The following STAM variants were observed in gnomAD, a reference collection of about 807,000 sequenced individuals.
STAM encodes the protein signal transducing adaptor molecule.
In STAM, 16 loss-of-function variants were observed where a neutral mutation model predicts 63.4. The observed-to-expected ratio is 0.25, with a 90% CI of 0.17 to 0.38. The LOEUF is 0.38. Ranked by LOEUF, STAM falls within the 10% of genes least tolerant of loss-of-function variation. The pLI is 1.00. For synonymous variants in STAM, 238 were observed against 223.9 expected, an observed-to-expected ratio of 1.06 and a Z score of -0.56; for missense variants, 636 against 657.1, an observed-to-expected ratio of 0.97 and a Z score of 0.35.
intron 13 of STAM, among the ~76,000 whole-genome samples, chr10:17,709,584 G>A (rs1554829869): frequency 6.6e-6 from 1 of 152,104 alleles, no homozygotes; most frequent in African/African-American, 2.4e-5. Flanking sequence ...GCTTTAATGG[G>A]ACTCTGAGCT....
intron 2 of STAM, among the ~76,000 whole-genome samples, chr10:17,664,648 G>T (rs530797525): frequency 1.3e-5 from 2 of 152,262 alleles, no homozygotes; most frequent in South Asian, 4.1e-4. Context: ...ACTATAACAT[G>T]TAAGTGGGTT....
At chr10:17,654,072 C>G (rs1833844329) in intron 1 of STAM, among the ~76,000 whole-genome samples, 1 of 152,136 alleles carries the variant, frequency 6.6e-6, no homozygotes, top group Non-Finnish European at 1.5e-5. Context: ...TTATGGAGAG[C>G]TGTGTCTTCA....
chr10:17,696,883 A>G lies in STAM; in HGVS notation c.823+14A>G, dbSNP rs1554827599. 1.9e-6 allele frequency: 3 copies of G among 1,587,428 alleles called. No individual in the cohort carries two copies. ...AACCAGAAATGAGTAAGTATTTTCC[A>G]GCCTGCCAATAAATGATGTTTTCTA... On this transcript the variant is annotated intron_variant, in intron 8 of 13. Coordinates refer to ENST00000377524, the MANE Select transcript of STAM (RefSeq NM_003473.4).
In STAM at chr10:17,681,253, G is replaced by A. The variant is rs147944913; in HGVS notation, c.126-3422G>A. On this transcript the variant is annotated intron_variant, in intron 2 of 13. Coordinates refer to ENST00000377524, the MANE Select transcript of STAM (RefSeq NM_003473.4). ...TATAGGTATAAATTACCTTCTCACC[G>A]TTTTACTACACCCTTAAGTTTTCTT... is the stretch of plus-strand genomic sequence containing the variant. 2.2e-3 allele frequency among the ~76,000 whole-genome samples: 279 copies of A among 128,234 alleles called. 1 individual carries two copies. Among genetic ancestry groups the A allele is most frequent in the African/African-American group, 6.6e-3 (222 of 33,674 alleles). 84.1% of individuals were successfully genotyped at this position (128,234 alleles called of 152,430 possible).
At chr10:17,698,552 T>C (rs1835860736) in intron 8 of STAM, among the ~76,000 whole-genome samples, 1 of 152,074 alleles carries the variant, frequency 6.6e-6, no homozygotes, top group African/African-American at 2.4e-5. Context: ...GTTGTAGTTC[T>C]CAAGCGTGGA....
At chr10:17,683,692 A>G (rs1835178511) in intron 2 of STAM, among the ~76,000 whole-genome samples, 1 of 151,988 alleles carries the variant, frequency 6.6e-6, no homozygotes, top group African/African-American at 2.4e-5. Context: ...CATTATGTGG[A>G]TGATTTCCAG....
rs144052853 is a variant in STAM at position 17,677,391 on chromosome 10, G to A, written c.126-7284G>A. Among the ~76,000 whole-genome samples the A allele has an allele frequency of 2.0e-3, 311 of 152,148 alleles. 2 individuals are homozygous for A. Among genetic ancestry groups the A allele is most frequent in the Middle Eastern group, 6.8e-3 (2 of 294 alleles). On this transcript the variant is annotated intron_variant, in intron 2 of 13. Coordinates refer to ENST00000377524, the MANE Select transcript of STAM (RefSeq NM_003473.4). The stretch of plus-strand genomic sequence containing the variant: ...GGATTATTTTCTAAAATATTGAGCT[G>A]AATCATCTTTAGATTATTTTTTACT...
chr10:17,705,817 C>G (rs1312127871), intron 12 of STAM, 76 bp downstream of exon 12: 2 of 1,437,530 alleles, frequency 1.4e-6, no homozygotes, highest in Admixed American at 4.5e-5. Flanking sequence ...CCTGTAATCT[C>G]AGCAATTTGG....
At chr10:17,674,931 A>T (rs193080776) in intron 2 of STAM, among the ~76,000 whole-genome samples, 1 of 152,202 alleles carries the variant, frequency 6.6e-6, no homozygotes, top group Admixed American at 6.5e-5. Flanking sequence ...GAGACACTCA[A>T]TCCTTAAGAA....
intron 7 of STAM, 129 bp from the exon 8 acceptor site, chr10:17,696,646 T>C: frequency 1.7e-6 from 1 of 600,412 alleles, no homozygotes; most frequent in Non-Finnish European, 2.9e-6. Context: ...GGAAGATTCA[T>C]TGGCTTTTTC....
At position 17,704,529 on chromosome 10, in the gene STAM, T is replaced by C. The variant is rs782682445; in HGVS notation, c.1000+11T>C. 2 of 1,608,398 alleles carry C rather than the reference T, an allele frequency of 1.2e-6. No individual in the cohort carries two copies. Among genetic ancestry groups the C allele is most frequent in the East Asian group, 2.2e-5 (1 of 44,842 alleles). The stretch of plus-strand genomic sequence containing the variant: ...TGCTTCATCTTGAAGGTAAAACTTT[T>C]CTATTTACCTTGCAAATAAAGAGTA... On this transcript the variant is annotated intron_variant, in intron 10 of 13. Transcript: ENST00000377524.
intron 8 of STAM, among the ~76,000 whole-genome samples, chr10:17,697,228 C>G (rs549873657): frequency 3.3e-5 from 5 of 152,198 alleles, no homozygotes; most frequent in Non-Finnish European, 7.3e-5. Flanking sequence ...CGCACCTGGC[C>G]TAACTTTTCT....
At chr10:17,684,771 CT>C (rs1835226358) in intron 3 of STAM, 21 bp downstream of exon 3, 2 of 1,613,596 alleles carry the variant, frequency 1.2e-6, no homozygotes, top group Admixed American at 3.3e-5. Context: ...TCATTTTAAT[CT>C]GTACCACGAA....
chr10:17,648,518 T>C (rs996144500), intron 1 of STAM, among the ~76,000 whole-genome samples: 3 of 152,206 alleles, frequency 2.0e-5, no homozygotes, highest in African/African-American at 7.2e-5. Flanking sequence ...GCTCACTCTT[T>C]GGGTCCGTGC....
chr10:17,699,095 C>T (rs1835882184), intron 8 of STAM, among the ~76,000 whole-genome samples: 2 of 152,132 alleles, frequency 1.3e-5, no homozygotes, highest in African/African-American at 2.4e-5. Context: ...ATCACTGGCA[C>T]AGGCCAGATT....
At chr10:17,709,667 C>T (rs1419285204) in intron 13 of STAM, among the ~76,000 whole-genome samples, 1 of 152,036 alleles carries the variant, frequency 6.6e-6, no homozygotes, top group Non-Finnish European at 1.5e-5. Flanking sequence ...GAAGTTACGA[C>T]ATTCTAGCTG....
At chr10:17,686,732 A>C (rs1554826133) in intron 4 of STAM, among the ~76,000 whole-genome samples, 1 of 152,240 alleles carries the variant, frequency 6.6e-6, no homozygotes, top group African/African-American at 2.4e-5. Flanking sequence ...GTTCATGTAT[A>C]GTCTCAATAA....
intron 2 of STAM, among the ~76,000 whole-genome samples, chr10:17,678,900 C>G (rs1476371220): frequency 6.6e-6 from 1 of 152,116 alleles, no homozygotes; most frequent in Non-Finnish European, 1.5e-5. Flanking sequence ...TTGTGTCAGA[C>G]TTATTTCACT....
In STAM at chr10:17,705,905, C is replaced by CAA. The variant is rs35030917; in HGVS notation, c.1209+180_1209+181dup. On this transcript the variant is annotated intron_variant, in intron 12 of 13. Coordinates refer to ENST00000377524, the MANE Select transcript of STAM (RefSeq NM_003473.4). ...TAACATAGTGAGACTCTGTCTCTAC[C>CAA]AAAAAAAAAAAAAAAAATTAGCCAG... 4.9e-4 allele frequency among the ~76,000 whole-genome samples: 61 copies of CAA among 123,294 alleles called. 1 individual carries two copies. Among genetic ancestry groups the CAA allele is most frequent in the African/African-American group, 1.4e-3 (46 of 32,664 alleles). 80.9% of individuals were successfully genotyped at this position (123,294 alleles called of 152,430 possible).
Sources: allele counts gnomAD v4.1 joint callset (sites outside exome capture counted in the v4.1 genomes callset), GRCh38; gene constraint gnomAD v4.1.1; transcripts MANE v1.5; gene names NCBI Gene and HGNC (gene_info 2026-07-23, HGNC 2026-07-21).